Variants in SGTB observed in about 807,000 individuals in gnomAD.
The protein encoded by SGTB is small glutamine-rich tetratricopeptide repeat-containing protein beta.
A neutral mutation model predicts 43.9 loss-of-function variants in SGTB; 19 were observed. The ratio of observed to expected loss-of-function variants is 0.43; its 90% CI spans 0.30 to 0.63. The LOEUF (loss-of-function observed/expected upper bound fraction) is 0.63, where lower values mean the gene tolerates loss of function less well. Ranked by LOEUF, SGTB falls within the 30% of genes least tolerant of loss-of-function variation. The pLI is 0.12. For synonymous variants in SGTB, 116 were observed against 117.3 expected (o/e 0.99, Z 0.07); for missense variants, 304 against 358.9 (o/e 0.85, Z 1.24).
intron 1 of SGTB, 47 bp from the exon 2 acceptor site, chr5:65,720,876 C>T: frequency 6.4e-7 from 1 of 1,570,704 alleles, no homozygotes; most frequent in Non-Finnish European, 8.6e-7. Flanking sequence ...TTTAAAGAAT[C>T]AGTCAGGAAA....
At chr5:65,685,281 A>C in intron 6 of SGTB, 87 bp downstream of exon 6, 1 of 1,120,798 alleles carries the variant, frequency 8.9e-7, no homozygotes, top group Non-Finnish European at 1.3e-6. Context: ...AGGGTAAAAC[A>C]TTAAGCAGGA....
intron 8 of SGTB, among the ~76,000 whole-genome samples, chr5:65,673,526 C>T (rs1757199771): frequency 1.3e-5 from 2 of 152,136 alleles, no homozygotes; most frequent in African/African-American, 4.8e-5. Context: ...AGGTTGAGTG[C>T]TCCTCAAGAG....
chr5:65,680,143 G>A (rs1194305475), intron 8 of SGTB, among the ~76,000 whole-genome samples: 1 of 152,172 alleles, frequency 6.6e-6, no homozygotes, highest in Non-Finnish European at 1.5e-5. Context: ...GACACATGTA[G>A]GGGAACAACA....
At chr5:65,702,160 C>T (rs892478862) in intron 5 of SGTB, among the ~76,000 whole-genome samples, 62 of 152,138 alleles carry the variant, frequency 4.1e-4, no homozygotes, top group African/African-American at 1.4e-3. Context: ...AGCTGAGAGG[C>T]CAAACAGGGT....
chr5:65,690,567 A>G (rs1757586310), intron 5 of SGTB, among the ~76,000 whole-genome samples: 1 of 152,268 alleles, frequency 6.6e-6, no homozygotes, highest in Non-Finnish European at 1.5e-5. Context: ...AAAGGACAGC[A>G]AAAGACAAAC....
chr5:65,685,288 A>C (rs552066519), intron 6 of SGTB, 80 bp downstream of exon 6: 8 of 1,180,966 alleles, frequency 6.8e-6, no homozygotes. Context: ...AACATTAAGC[A>C]GGAAATTCAA....
rs2150699158 is a variant in SGTB, at chr5:65,667,585, G to A, written c.*2661C>T. On this transcript the variant is annotated 3_prime_UTR_variant, in exon 11 of 11. Coordinates refer to ENST00000381007, the MANE Select transcript of SGTB (RefSeq NM_019072.3). ...TCTGAGGGCCGAAGACTTAAATTGT[G>A]CTCTTTTTAAATTCTGCAGAACTAT... The A allele has an allele frequency of 6.6e-6, 1 of 152,308 alleles. No individual in the cohort carries two copies. Among genetic ancestry groups the A allele is most frequent in the South Asian group, 2.1e-4 (1 of 4,832 alleles). 9.4% of individuals were successfully genotyped at this position (152,308 alleles called of 1,614,324 possible). A position where few individuals can be genotyped will look rare whatever the true frequency, so the allele number is the denominator to read the frequency against.
At chr5:65,670,421 G>A (rs931592711) in intron 10 of SGTB, 64 bp from the exon 11 acceptor site, 1 of 1,369,314 alleles carries the variant, frequency 7.3e-7, no homozygotes, top group African/African-American at 1.4e-5. Context: ...CACGCAAAAA[G>A]AAATGCAGAA....
At chr5:65,672,908 C>T (rs768046078) in intron 8 of SGTB, among the ~76,000 whole-genome samples, 6 of 152,204 alleles carry the variant, frequency 3.9e-5, no homozygotes, top group Non-Finnish European at 7.3e-5. Flanking sequence ...AGAAAGATCA[C>T]TGACTGATTC....
At chr5:65,673,763 C>G (rs1247003341) in intron 8 of SGTB, among the ~76,000 whole-genome samples, 1 of 151,856 alleles carries the variant, frequency 6.6e-6, no homozygotes. Flanking sequence ...TCAAGTGATT[C>G]TCCTGCCTCA....
chr5:65,702,756 G>A (rs1181793583), intron 5 of SGTB, among the ~76,000 whole-genome samples: 5 of 152,024 alleles, frequency 3.3e-5, no homozygotes. Context: ...ATTTTAAGGG[G>A]ATAGAAACAT....
chr5:65,683,146 T>C (rs965577461), intron 6 of SGTB, among the ~76,000 whole-genome samples: 1 of 151,764 alleles, frequency 6.6e-6, no homozygotes, highest in Non-Finnish European at 1.5e-5. Context: ...TTAGGAATAC[T>C]AGATAACACT....
chr5:65,700,418 C>T (rs1272819167), intron 5 of SGTB, among the ~76,000 whole-genome samples: 1 of 152,106 alleles, frequency 6.6e-6, no homozygotes, highest in African/African-American at 2.4e-5. Flanking sequence ...CCTGTAATCC[C>T]AGCACTTTGG....
At position 65,722,093 on chromosome 5, in the gene SGTB, C is replaced by G. The variant is rs529401011; in HGVS notation, c.-199G>C. 3 of 170,372 alleles carry G rather than the reference C, an allele frequency of 1.8e-5. No individual in the cohort carries two copies. The East Asian group carries it at 4.9e-4, about 28-fold the overall frequency. 10.6% of individuals were successfully genotyped at this position (170,372 alleles called of 1,614,324 possible). A position where few individuals can be genotyped will look rare whatever the true frequency, so the allele number is the denominator to read the frequency against. ...CAGAACCCACCAGGCTGTGCTCTCT[C>G]TCAGGCGGCAGGGTCTGGCCAGCAC... On this transcript the variant is annotated 5_prime_UTR_variant, in exon 1 of 11. Transcript: ENST00000381007.
At chr5:65,712,880 C>G in intron 3 of SGTB, 81 bp downstream of exon 3, 2 of 1,035,236 alleles carry the variant, frequency 1.9e-6, no homozygotes, top group South Asian at 1.4e-5. Flanking sequence ...ACTCATATAC[C>G]TGGCCCCTCA....
chr5:65,682,280 T>A (rs1026913564), intron 6 of SGTB, among the ~76,000 whole-genome samples: 3 of 152,152 alleles, frequency 2.0e-5, no homozygotes, highest in South Asian at 2.1e-4. Flanking sequence ...CATGGAGAGA[T>A]GATGTCAGAG....
intron 8 of SGTB, among the ~76,000 whole-genome samples, chr5:65,679,964 C>T (rs758100608): frequency 3.3e-5 from 5 of 152,212 alleles, no homozygotes; most frequent in Non-Finnish European, 7.3e-5. Context: ...ACATATACAC[C>T]ATGGAATGCT....
Position 65,680,778 on chromosome 5 carries a change from A to C in SGTB, c.496T>G (p.Leu166Val). The C allele has an allele frequency of 1.1e-5, 18 of 1,613,504 alleles. No individual in the cohort carries two copies. The highest frequency in any genetic ancestry group is 1.5e-5 in the Non-Finnish European group (18 of 1,179,974). ...GTAACTGCTTCTTCAAATTTATTCAAGGCAGTGAGGGCCAGCCTGAAGGGA... is the reference window on the plus strand; with the variant it reads ...GTAACTGCTTCTTCAAATTTATTCACGGCAGTGAGGGCCAGCCTGAAGGGA... ...YGRMGLALTA[L>V]NKFEEAVTSY... Residue 166 changes from leucine to valine, a missense_variant, in exon 7 of 11, where the codon TTG becomes GTG. By Grantham distance (32) the Leu-to-Val change is conservative (BLOSUM62 1). Coordinates refer to ENST00000381007, the MANE Select transcript of SGTB (RefSeq NM_019072.3).
At chr5:65,714,174 C>T (rs189521565) in intron 2 of SGTB, among the ~76,000 whole-genome samples, 94 of 152,138 alleles carry the variant, frequency 6.2e-4, no homozygotes, top group African/African-American at 1.7e-3. Context: ...CAGAACATAG[C>T]CCCCAGCACA....
Sources: gnomAD v4.1 joint callset for allele counts (sites outside exome capture counted in the v4.1 genomes callset) on GRCh38, gnomAD v4.1.1 for gene constraint, MANE v1.5 for transcripts, NCBI Gene and HGNC (gene_info 2026-07-23, HGNC 2026-07-21) for gene names.